The following ZNF709 variants were observed in gnomAD, a reference collection of about 807,000 sequenced individuals.
ZNF709 encodes zinc finger protein 709.
In ZNF709, 15 loss-of-function variants were observed where a neutral mutation model predicts 10.6. That is an observed-to-expected ratio of 1.41 (90% CI 0.95 to 2.18). The LOEUF is 2.18. Among genes scored for constraint, ZNF709 ranks in the 30% most tolerant of loss-of-function variants. ZNF709 has a pLI of 0.00. For missense variants in ZNF709, 589 were observed against 774.0 expected, an observed-to-expected ratio of 0.76 and a Z score of 2.84; for synonymous variants, 194 against 238.8, an observed-to-expected ratio of 0.81 and a Z score of 1.73.
Position 12,462,165 on chromosome 19 carries a change from T to G in ZNF709, c.*1831A>C, listed in dbSNP as rs1209256436. 6.6e-6 allele frequency: 1 copy of G among 152,138 alleles called. No individual in the cohort carries two copies. Among genetic ancestry groups the G allele is most frequent in the Non-Finnish European group, 1.5e-5 (1 of 68,060 alleles). 9.4% of individuals were successfully genotyped at this position (152,138 alleles called of 1,614,324 possible). On this transcript the variant is annotated 3_prime_UTR_variant, in exon 4 of 4. Coordinates refer to ENST00000397732, the MANE Select transcript of ZNF709 (RefSeq NM_152601.4). The stretch of plus-strand genomic sequence containing the variant: ...TGGCAGTCAAGCAGTTAGTGGTGGT[T>G]CTAAGAATACTCTCAATTGGCAGAG...
Position 12,478,374 on chromosome 19 carries a change from G to A in ZNF709, c.3+6281C>T, listed in dbSNP as rs529497548. 5.3e-5 allele frequency among the ~76,000 whole-genome samples: 8 copies of A among 152,266 alleles called. No individual in the cohort carries two copies. The South Asian group carries it at 1.7e-3, about 32-fold the overall frequency. On this transcript the variant is annotated intron_variant, in intron 1 of 3. Coordinates refer to ENST00000397732, the MANE Select transcript of ZNF709 (RefSeq NM_152601.4). Reference sequence around the variant, plus strand: ...ATTATCAAAACGGCCAACTCCAGTTGGCTAAACATAGAACCCAGACTTGGC... The same window carrying A: ...ATTATCAAAACGGCCAACTCCAGTTAGCTAAACATAGAACCCAGACTTGGC...
At chr19:12,481,762 T>G (rs1970729009) in intron 1 of ZNF709, among the ~76,000 whole-genome samples, 1 of 151,366 alleles carries the variant, frequency 6.6e-6, no homozygotes, top group Admixed American at 6.6e-5. Context: ...ATTTACAAAT[T>G]CAGGTGTGAC....
intron 1 of ZNF709, among the ~76,000 whole-genome samples, chr19:12,468,090 C>T (rs1970598843): frequency 1.3e-5 from 2 of 151,546 alleles, no homozygotes; most frequent in African/African-American, 4.8e-5. Context: ...AGCCCCCGCC[C>T]GGCCAGCCGC....
Position 12,465,602 on chromosome 19 carries a change from C to A in ZNF709, c.320G>T (p.Cys107Phe). Residue 107 changes from cysteine (C) to phenylalanine (F), a missense_variant, in exon 4 of 4, where the codon TGT (cysteine) becomes TTT (phenylalanine). Physicochemically the swap from Cys to Phe is radical, Grantham distance 205 (BLOSUM62 -2). Coordinates refer to ENST00000397732, the MANE Select transcript of ZNF709 (RefSeq NM_152601.4). ...TRVKPYECSV[C>F]GKDYMCHSSL... Reference sequence around the variant, plus strand: ...TGAATGACACATATAGTCCTTTCCACACACACTACATTCATATGGTTTTAC... The same window carrying A: ...TGAATGACACATATAGTCCTTTCCAAACACACTACATTCATATGGTTTTAC... 6.2e-7 allele frequency: 1 copy of A among 1,613,928 alleles called. No homozygotes were observed. The highest frequency in any genetic ancestry group is 8.5e-7 in the Non-Finnish European group (1 of 1,179,998).
chr19:12,463,134 A>G lies in ZNF709; in HGVS notation c.*862T>C, dbSNP rs941565170. 1.2e-4 allele frequency: 18 copies of G among 152,240 alleles called. No individual in the cohort carries two copies. The highest frequency in any genetic ancestry group is 4.3e-4 in the African/African-American group (18 of 41,464). 9.4% of individuals were successfully genotyped at this position (152,240 alleles called of 1,614,324 possible). A position where few individuals can be genotyped will look rare whatever the true frequency, so the allele number is the denominator to read the frequency against. On this transcript the variant is annotated 3_prime_UTR_variant, in exon 4 of 4. Coordinates refer to ENST00000397732, the MANE Select transcript of ZNF709 (RefSeq NM_152601.4). ...GTACCTCCCTAGTGGGAGTTTCAAC[A>G]TGAGATTGAAGTTTCACACATAAGG...
chr19:12,476,025 G>C (rs900950909), intron 1 of ZNF709, among the ~76,000 whole-genome samples: 1 of 151,984 alleles, frequency 6.6e-6, no homozygotes, highest in Non-Finnish European at 1.5e-5. Flanking sequence ...AAAACACAAT[G>C]AAAAAAACAC....
At position 12,464,995 on chromosome 19, in the gene ZNF709, T is replaced by C. The variant is rs1970555468; in HGVS notation, c.927A>G (p.Lys309=). 1.2e-6 allele frequency: 2 copies of C among 1,607,920 alleles called. No individual in the cohort carries two copies. Among genetic ancestry groups the C allele is most frequent in the African/African-American group, 1.3e-5 (1 of 74,426 alleles). Residue 309 remains lysine (K), a synonymous_variant, in exon 4 of 4, where the codon AAA becomes AAG. Transcript: ENST00000397732. ...TGAAGGCTTTCCCACATTTTTTACA[T>C]TTATAGGGTTTTTCTCCAGTGTGAA... ...ERIHTGEKPY[K]CKKCGKAFSF...
Position 12,463,007 on chromosome 19 carries a change from GATA to G in ZNF709, c.*986_*988del, listed in dbSNP as rs575862779. ...AGATCCATTTTAAGAATCAGTAACT[GATA>G]ATATGTTTTATCACATTTCTGACAT... On this transcript the variant is annotated 3_prime_UTR_variant, in exon 4 of 4. Transcript: ENST00000397732. 9.9e-5 allele frequency: 15 copies of G among 152,278 alleles called. No individual in the cohort carries two copies. In the South Asian group the frequency reaches 2.9e-3, roughly 29 times the overall value. The allele number at this position is 152,278 out of a possible 1,614,324, so 9.4% of individuals were successfully genotyped here.
rs1388565957 is a variant in ZNF709, at chr19:12,464,739, T to A, written c.1183A>T (p.Lys395Ter). 3 of 1,613,510 alleles carry A rather than the reference T, an allele frequency of 1.9e-6. No homozygotes were observed. The highest frequency in any genetic ancestry group is 2.5e-6 in the Non-Finnish European group (3 of 1,179,772). Residue 395 changes from lysine (K) to a stop codon, truncating the protein, a stop_gained, in exon 4 of 4, where the codon AAA becomes TAA. Coordinates refer to ENST00000397732, the MANE Select transcript of ZNF709 (RefSeq NM_152601.4). LOFTEE classifies it low-confidence loss of function (END_TRUNC). ...CAACTGAAGGCTTTACCACACTGTT[T>A]ACATTCATAGGGTTTCTCTCCAGTG... is the stretch of plus-strand genomic sequence containing the variant. ...THTGEKPYEC[K>*]QCGKAFSCSS...
intron 1 of ZNF709, among the ~76,000 whole-genome samples, chr19:12,483,751 C>T (rs1011159769): frequency 6.6e-6 from 1 of 152,070 alleles, no homozygotes; most frequent in Non-Finnish European, 1.5e-5. Context: ...GTTGGCTGGG[C>T]TGTAGGTCTC....
At chr19:12,472,373 T>C (rs2144998148) in intron 1 of ZNF709, among the ~76,000 whole-genome samples, 1 of 150,974 alleles carries the variant, frequency 6.6e-6, no homozygotes, top group East Asian at 2.0e-4. Flanking sequence ...AATACAAAAA[T>C]TAGCCAGGCA....
Position 12,481,925 on chromosome 19 carries a change from GGGAA to G in ZNF709, c.3+2726_3+2729del, listed in dbSNP as rs1183020889. Reference sequence around the variant, plus strand: ...GACACTGACTTAAAAAAAAAAAAAAGGGAAGGAAGGAAGGGGAAAGAAAGAAAGG... The same window carrying G: ...GACACTGACTTAAAAAAAAAAAAAAGGGAAGGAAGGGGAAAGAAAGAAAGG... On this transcript the variant is annotated intron_variant, in intron 1 of 3. Transcript: ENST00000397732. Among the ~76,000 whole-genome samples, 266 of 129,834 alleles carry G rather than the reference GGGAA, an allele frequency of 2.0e-3. 1 individual carries two copies. The highest frequency in any genetic ancestry group is 6.7e-3 in the African/African-American group (246 of 36,594). The allele number at this position is 129,834 out of a possible 152,430, so 85.2% of individuals were successfully genotyped here.
chr19:12,480,975 G>A (rs1489479418), intron 1 of ZNF709, among the ~76,000 whole-genome samples: 1 of 151,132 alleles, frequency 6.6e-6, no homozygotes, highest in Non-Finnish European at 1.5e-5. Flanking sequence ...GTAGAGACAG[G>A]GTTTCGCCAT....
Position 12,464,415 on chromosome 19 carries a change from G to A in ZNF709, c.1507C>T (p.Pro503Ser). Residue 503 changes from proline (P) to serine (S), a missense_variant, in exon 4 of 4, where the codon CCC becomes TCC. This residue lies in a region of ZNF709 where 171 missense variants were observed against 277.7 expected (regional missense o/e 0.62). Coordinates refer to ENST00000397732, the MANE Select transcript of ZNF709 (RefSeq NM_152601.4). ...TTACCACATTGTTTACATTCATAGG[G>A]TTTCTCTCCAGTGTGAGTCCTTTCA... ...MHERTHTGEK[P>S]YECKQCGKAF... The A allele has an allele frequency of 6.2e-7, 1 of 1,612,980 alleles. No homozygotes were observed.
chr19:12,479,882 G>A (rs1167389946), intron 1 of ZNF709, among the ~76,000 whole-genome samples: 1 of 151,894 alleles, frequency 6.6e-6, no homozygotes, highest in Non-Finnish European at 1.5e-5. Flanking sequence ...AAAAAAGACT[G>A]AATCCAGCTG....
intron 1 of ZNF709, among the ~76,000 whole-genome samples, chr19:12,468,836 T>A (rs1294729066): frequency 3.3e-5 from 5 of 152,034 alleles, no homozygotes; most frequent in Non-Finnish European, 7.4e-5. Flanking sequence ...CAGGGTCAAA[T>A]CTGTACGAGA....
At chr19:12,483,147 A>ATTT (rs1387964418) in intron 1 of ZNF709, among the ~76,000 whole-genome samples, 1 of 151,936 alleles carries the variant, frequency 6.6e-6, no homozygotes, top group Non-Finnish European at 1.5e-5. Context: ...CATTATTATT[A>ATTT]TTTTCTGTTT....
chr19:12,481,129 G>A (rs574016078), intron 1 of ZNF709: 33 of 979,030 alleles, frequency 3.4e-5, no homozygotes, highest in Non-Finnish European at 3.6e-5. Context: ...TACAAAAACC[G>A]ATCTAAAAAT....
intron 1 of ZNF709, among the ~76,000 whole-genome samples, chr19:12,468,218 C>A (rs1322483657): frequency 3.9e-5 from 6 of 152,290 alleles, no homozygotes; most frequent in Non-Finnish European, 5.9e-5. Flanking sequence ...TGAGAACGGG[C>A]CATAATGACA....
Sources: allele counts gnomAD v4.1 joint callset (sites outside exome capture counted in the v4.1 genomes callset), GRCh38; gene constraint gnomAD v4.1.1; regional missense constraint gnomAD v4.1.1; transcripts MANE v1.5; gene names NCBI Gene and HGNC (gene_info 2026-07-23, HGNC 2026-07-21).